The following ITGAM variants were observed in gnomAD, a reference collection of about 807,000 sequenced individuals.
ITGAM encodes integrin alpha-M.
ITGAM carries 79 observed loss-of-function variants against 137.5 expected under a neutral mutation model. That is an observed-to-expected ratio of 0.57 (90% CI 0.48 to 0.69). ITGAM has a LOEUF of 0.69. ITGAM is among the 30% of genes least tolerant of loss of function. The pLI is 0.00. For missense variants in ITGAM, 1,343 were observed against 1,483.5 expected, an observed-to-expected ratio of 0.91 and a Z score of 1.56; for synonymous variants, 583 against 592.3, an observed-to-expected ratio of 0.98 and a Z score of 0.23.
rs549606269 is a variant in ITGAM at position 31,311,391 on chromosome 16, A to T, written c.1708-9850A>T. ...AATTTTTGCAACCTACTCATCTGAC[A>T]AAGGGGTAATATCCAGAATCTACAA... On this transcript the variant is annotated intron_variant, in intron 14 of 29. Transcript: ENST00000544665. 7.9e-5 allele frequency among the ~76,000 whole-genome samples: 12 copies of T among 152,358 alleles called. No homozygotes were observed. The East Asian group carries it at 2.1e-3, about 27-fold the overall frequency.
chr16:31,329,373 A>C, intron 24 of ITGAM, 70 bp downstream of exon 24: 1 of 1,157,514 alleles, frequency 8.6e-7, no homozygotes, highest in Non-Finnish European at 1.3e-6. Flanking sequence ...AAAATGCAGA[A>C]ACAGGGATGG....
At chr16:31,319,297 A>G (rs1331341864) in intron 14 of ITGAM, among the ~76,000 whole-genome samples, 1 of 151,226 alleles carries the variant, frequency 6.6e-6, no homozygotes, top group African/African-American at 2.4e-5. Context: ...GAAGTTTCTT[A>G]CTATTGAATT....
At chr16:31,313,610 T>G (rs571325004) in intron 14 of ITGAM, among the ~76,000 whole-genome samples, 1 of 152,362 alleles carries the variant, frequency 6.6e-6, no homozygotes, top group African/African-American at 2.4e-5. Context: ...TACCACATTT[T>G]CTTTATACAG....
chr16:31,297,171 T>A (rs547043265), intron 12 of ITGAM, among the ~76,000 whole-genome samples: 152 of 152,176 alleles, frequency 1.0e-3, no homozygotes, highest in Non-Finnish European at 9.1e-4. Context: ...TATTAAAAAA[T>A]ATATATATAC....
At chr16:31,325,239 C>T (rs770291374) in intron 19 of ITGAM, 24 bp from the exon 20 acceptor site, 45 of 1,597,986 alleles carry the variant, frequency 2.8e-5, no homozygotes, top group Admixed American at 1.6e-4. Context: ...CCCCATCCCC[C>T]GGCCTGTCTT....
chr16:31,284,226 CT>C (rs1345774926), intron 12 of ITGAM, among the ~76,000 whole-genome samples: 1 of 152,214 alleles, frequency 6.6e-6, no homozygotes, highest in African/African-American at 2.4e-5. Flanking sequence ...AAGCTGCATG[CT>C]GGGAGAACCA....
intron 7 of ITGAM, among the ~76,000 whole-genome samples, chr16:31,272,719 G>A (rs1278840000): frequency 1.3e-5 from 2 of 150,804 alleles, no homozygotes; most frequent in African/African-American, 4.9e-5. Context: ...CCTGACCTCA[G>A]GTGATTCACC....
At chr16:31,331,546 T>G in intron 29 of ITGAM, 90 bp from the exon 30 acceptor site, 1 of 562,314 alleles carries the variant, frequency 1.8e-6, no homozygotes, top group Non-Finnish European at 3.3e-6. Context: ...CCCTTCTGTC[T>G]CTGCCGGCCC....
At chr16:31,276,307 C>A (rs189992425) in intron 9 of ITGAM, among the ~76,000 whole-genome samples, 1 of 152,068 alleles carries the variant, frequency 6.6e-6, no homozygotes, top group Admixed American at 6.6e-5. Context: ...AGTACCTGTT[C>A]TAGGTTCTTC....
chr16:31,316,874 G>A (rs527396332), intron 14 of ITGAM, among the ~76,000 whole-genome samples: 3 of 152,026 alleles, frequency 2.0e-5, no homozygotes, highest in Non-Finnish European at 4.4e-5. Flanking sequence ...ATTGTAAATA[G>A]GATTAATTTC....
At position 31,276,951 on chromosome 16, in the gene ITGAM, A is replaced by G. The variant is rs775975994; in HGVS notation, c.1115A>G (p.Tyr372Cys). 50 of 1,613,486 alleles carry G rather than the reference A, an allele frequency of 3.1e-5. No individual in the cohort carries two copies. In the South Asian group the frequency reaches 5.5e-4, roughly 18 times the overall value. ...CCCTTGCTGAGCACTGTGGGGAGCT[A>G]TGACTGGGCTGGTGGAGTCTTTCTA... ...NGPLLSTVGS[Y>C]DWAGGVFLYT... Residue 372 changes from tyrosine to cysteine, a missense_variant, in exon 11 of 30, where the codon TAT (tyrosine) becomes TGT (cysteine). Transcript: ENST00000544665.
intron 28 of ITGAM, among the ~76,000 whole-genome samples, 156 bp downstream of exon 28, chr16:31,330,761 C>G (rs1567284209): frequency 1.3e-5 from 2 of 150,794 alleles, no homozygotes; most frequent in Non-Finnish European, 3.0e-5. Flanking sequence ...GAGAGACAGA[C>G]AGAGACAGAG....
intron 14 of ITGAM, among the ~76,000 whole-genome samples, chr16:31,302,007 A>G (rs1035735122): frequency 6.6e-6 from 1 of 152,206 alleles, no homozygotes; most frequent in African/African-American, 2.4e-5. Context: ...AACAGTGTTA[A>G]CATAATCAAA....
At chr16:31,283,101 T>C (rs2079988350) in intron 12 of ITGAM, among the ~76,000 whole-genome samples, 1 of 152,242 alleles carries the variant, frequency 6.6e-6, no homozygotes, top group Non-Finnish European at 1.5e-5. Flanking sequence ...GCTAGTCTGA[T>C]GGGCTTCCCT....
chr16:31,299,833 C>T lies in ITGAM; in HGVS notation c.1707+1879C>T, dbSNP rs1264758905. ...TCCTCCTCCCCCTCCTCCCCCTCCT[C>T]GTCGTCCTCCTCTCCTCCTCCTCCT... On this transcript the variant is annotated intron_variant, in intron 14 of 29. Coordinates refer to ENST00000544665, the MANE Select transcript of ITGAM (RefSeq NM_000632.4). Among the ~76,000 whole-genome samples the T allele has an allele frequency of 5.2e-5, 7 of 134,336 alleles. No homozygotes were observed. In the South Asian group the frequency reaches 1.3e-3, roughly 25 times the overall value. 88.1% of individuals were successfully genotyped at this position (134,336 alleles called of 152,430 possible). A position where few individuals can be genotyped will look rare whatever the true frequency, so the allele number is the denominator to read the frequency against.
chr16:31,274,852 T>G (rs747583209), intron 8 of ITGAM, among the ~76,000 whole-genome samples: 2 of 152,138 alleles, frequency 1.3e-5, no homozygotes, highest in South Asian at 4.1e-4. Context: ...ACTCCTGATC[T>G]CAAGTGATCT....
rs370021738 is a variant in ITGAM, at chr16:31,329,308, G to A, written c.2868+5G>A. The stretch of plus-strand genomic sequence containing the variant: ...GTCATGCAGCATCAATATCAGGTGG[G>A]CAGCTGGGACGTCTGGGTCCTGAGA... On this transcript the variant is annotated splice_donor_5th_base_variant and intron_variant, in intron 24 of 29. Transcript: ENST00000544665. The A allele has an allele frequency of 2.3e-5, 37 of 1,602,808 alleles. No homozygotes were observed. The African/African-American group carries it at 4.4e-4, about 19-fold the overall frequency.
intron 21 of ITGAM, 111 bp from the exon 22 acceptor site, chr16:31,326,745 T>G: frequency 1.3e-6 from 1 of 776,748 alleles, no homozygotes; most frequent in South Asian, 1.5e-5. Context: ...GTGAACAATA[T>G]CCTGTTGCAT....
chr16:31,283,594 G>A (rs1317864119), intron 12 of ITGAM, among the ~76,000 whole-genome samples: 3 of 152,126 alleles, frequency 2.0e-5, no homozygotes, highest in Non-Finnish European at 4.4e-5. Flanking sequence ...TCTTCTCTAT[G>A]CTGTTTATTC....
Sources: allele counts gnomAD v4.1 joint callset (sites outside exome capture counted in the v4.1 genomes callset), GRCh38; gene constraint gnomAD v4.1.1; transcripts MANE v1.5; gene names NCBI Gene and HGNC (gene_info 2026-07-23, HGNC 2026-07-21).